Variants in UNC13C observed in about 807,000 individuals in gnomAD.
UNC13C encodes the protein protein unc-13 homolog C.
UNC13C carries 174 observed loss-of-function variants against 245.4 expected under a neutral mutation model. The observed-to-expected ratio is 0.71, with a 90% CI of 0.63 to 0.80. The LOEUF is 0.80. Ranked by LOEUF, UNC13C falls within the 30% of genes least tolerant of loss-of-function variation. The probability of loss-of-function intolerance (pLI) is 0.00; values close to 1 mark genes in which losing one functional copy is unlikely to be tolerated. For synonymous variants in UNC13C, 992 were observed against 895.1 expected, an observed-to-expected ratio of 1.11 and a Z score of -1.93; for missense variants, 2,829 against 2,602.9, an observed-to-expected ratio of 1.09 and a Z score of -1.89.
intron 30 of UNC13C, among the ~76,000 whole-genome samples, chr15:54,599,788 A>G (rs1470553741): frequency 5.9e-5 from 9 of 152,230 alleles, no homozygotes; most frequent in Middle Eastern, 6.8e-3. Flanking sequence ...TCTGTCTTCT[A>G]TGGAAATGAA....
chr15:53,896,188 G>A, the UNC13C span, among the ~76,000 whole-genome samples: 1 of 151,886 alleles, frequency 6.6e-6, no homozygotes, highest in African/African-American at 2.4e-5. Context: ...ATTTTTCGTT[G>A]AAAAGTGTGT....
chr15:53,898,569 A>G, the UNC13C span, among the ~76,000 whole-genome samples: 1 of 152,210 alleles, frequency 6.6e-6, no homozygotes, highest in Non-Finnish European at 1.5e-5. Context: ...GAAAAGAATC[A>G]AAAGGTATTG....
intron 17 of UNC13C, among the ~76,000 whole-genome samples, chr15:54,383,016 C>T (rs1409896298): frequency 2.0e-5 from 3 of 152,106 alleles, no homozygotes; most frequent in African/African-American, 7.2e-5. Context: ...GAAATCTAAA[C>T]AGGCCAATAA....
intron 2 of UNC13C, among the ~76,000 whole-genome samples, chr15:54,039,807 A>C (rs1270903211): frequency 2.0e-5 from 3 of 151,812 alleles, no homozygotes; most frequent in Non-Finnish European, 4.4e-5. Flanking sequence ...GACTTCTTAC[A>C]TGTCACTCCC....
At chr15:53,952,163 A>C in the UNC13C span, among the ~76,000 whole-genome samples, 1 of 152,210 alleles carries the variant, frequency 6.6e-6, no homozygotes, top group Non-Finnish European at 1.5e-5. Context: ...AAAAGAGGGC[A>C]GTATTTCTAA....
chr15:54,012,978 AT>A lies in UNC13C; in HGVS notation c.77del (p.Leu26TrpfsTer38). ...KLCKGMFTKK[L>X]GNTNKNKEYR... ...TTTGCAAAGGAATGTTTACAAAGAA[AT>A]TGGGAAATACAAACAAAAACAAAGA... On this transcript the variant is annotated frameshift_variant, in exon 2 of 33. Coordinates refer to ENST00000260323, the MANE Select transcript of UNC13C (RefSeq NM_001080534.3). LOFTEE classifies it high-confidence loss of function. 6.2e-7 allele frequency: 1 copy of A among 1,613,876 alleles called. No homozygotes were observed. The highest frequency in any genetic ancestry group is 8.5e-7 in the Non-Finnish European group (1 of 1,179,834).
intron 19 of UNC13C, among the ~76,000 whole-genome samples, chr15:54,492,880 A>G (rs1407664672): frequency 6.6e-6 from 1 of 152,186 alleles, no homozygotes; most frequent in African/African-American, 2.4e-5. Context: ...ACACAGGAGG[A>G]AAAATGTTCC....
At chr15:54,011,372 T>C (rs1031705630) in intron 1 of UNC13C, among the ~76,000 whole-genome samples, 2 of 152,186 alleles carry the variant, frequency 1.3e-5, no homozygotes, top group African/African-American at 4.8e-5. Flanking sequence ...TTAACAGAAT[T>C]GCTACTTTGA....
intron 2 of UNC13C, among the ~76,000 whole-genome samples, chr15:54,086,313 A>C (rs182376653): frequency 6.6e-6 from 1 of 152,328 alleles, no homozygotes; most frequent in Non-Finnish European, 1.5e-5. Flanking sequence ...CTCGGAGTGG[A>C]GAAAGATATG....
chr15:54,405,460 A>G (rs779024427), intron 18 of UNC13C, among the ~76,000 whole-genome samples: 6 of 152,148 alleles, frequency 3.9e-5, no homozygotes, highest in Non-Finnish European at 7.4e-5. Context: ...TCAATTGTGG[A>G]ATGTCAGAAA....
intron 2 of UNC13C, among the ~76,000 whole-genome samples, chr15:54,051,443 C>T (rs1171396056): frequency 1.3e-5 from 2 of 151,500 alleles, no homozygotes; most frequent in African/African-American, 2.4e-5. Context: ...GTTTTTTTTC[C>T]TGGACTTCCT....
chr15:54,367,456 C>T (rs940573702), intron 17 of UNC13C, among the ~76,000 whole-genome samples: 2 of 152,068 alleles, frequency 1.3e-5, no homozygotes, highest in Non-Finnish European at 2.9e-5. Flanking sequence ...TTATTTTTTG[C>T]AAGTCTTAGC....
At chr15:53,981,394 A>G (rs956268818) in intron 1 of UNC13C, among the ~76,000 whole-genome samples, 2 of 152,194 alleles carry the variant, frequency 1.3e-5, no homozygotes, top group African/African-American at 4.8e-5. Flanking sequence ...TTTTAAATAC[A>G]TGCCAAGTTT....
chr15:54,617,469 T>C (rs1900517713), intron 30 of UNC13C, among the ~76,000 whole-genome samples: 1 of 152,040 alleles, frequency 6.6e-6, no homozygotes, highest in African/African-American at 2.4e-5. Context: ...AGCTTTGCTC[T>C]TTATTGACTT....
chr15:54,122,520 G>C (rs1230932925), intron 2 of UNC13C, among the ~76,000 whole-genome samples: 3 of 151,894 alleles, frequency 2.0e-5, no homozygotes, highest in African/African-American at 7.2e-5. Context: ...TCCATTGTAT[G>C]TGTGCAGTTT....
At chr15:54,090,797 G>T (rs4321129) in intron 2 of UNC13C, among the ~76,000 whole-genome samples, 6 of 151,930 alleles carry the variant, frequency 3.9e-5, no homozygotes, top group Admixed American at 6.6e-5. Context: ...CCCATTGATG[G>T]GCTAAGTTGC....
intron 2 of UNC13C, among the ~76,000 whole-genome samples, chr15:54,073,510 T>C (rs1250348923): frequency 2.0e-5 from 3 of 152,196 alleles, no homozygotes; most frequent in Non-Finnish European, 4.4e-5. Flanking sequence ...AGTGTAAAAG[T>C]GTTACCATTT....
intron 4 of UNC13C, among the ~76,000 whole-genome samples, chr15:54,149,666 G>C (rs934194): frequency 0.98 from 149,946 of 152,322 alleles, 73,859 homozygotes; most frequent in Middle Eastern, 1. Flanking sequence ...GTCTTTAAAG[G>C]ACGGGCCTTT....
chr15:54,262,505 A>G (rs1357765918), intron 8 of UNC13C, among the ~76,000 whole-genome samples: 1 of 152,230 alleles, frequency 6.6e-6, no homozygotes, highest in Admixed American at 6.5e-5. Flanking sequence ...CTCCAGCCTA[A>G]GCTAATTTTA....
Sources: gnomAD v4.1 joint callset for allele counts (sites outside exome capture counted in the v4.1 genomes callset) on GRCh38, gnomAD v4.1.1 for gene constraint, MANE v1.5 for transcripts, NCBI Gene and HGNC (gene_info 2026-07-23, HGNC 2026-07-21) for gene names.